Variants in FRAS1 observed in about 807,000 individuals in gnomAD.
FRAS1 encodes Fraser extracellular matrix complex subunit 1, also known as extracellular matrix organizing protein FRAS1.
In FRAS1, 290 loss-of-function variants were observed where a neutral mutation model predicts 435.2. That is an observed-to-expected ratio of 0.67 (90% CI 0.61 to 0.73). The LOEUF (loss-of-function observed/expected upper bound fraction) is 0.73. Among genes scored for constraint, FRAS1 ranks in the 30% least tolerant of loss-of-function variants. FRAS1 has a pLI of 0.00. For missense variants in FRAS1, 4,860 were observed against 5,001.5 expected (o/e 0.97, Z 0.85); for synonymous variants, 1,800 against 1,851.0 (o/e 0.97, Z 0.71).
chr4:78,488,885 G>A lies in FRAS1; in HGVS notation c.8763G>A (p.Met2921Ile). The A allele has an allele frequency of 1.2e-6, 2 of 1,612,262 alleles. No individual in the cohort carries two copies. Among genetic ancestry groups the A allele is most frequent in the Non-Finnish European group, 1.7e-6 (2 of 1,179,500 alleles). ...INDTFQDVPS[M>I]QFAKDLLLVK... is the part of the protein sequence containing the mutation. ...TGTCTGCCCACCTAGTGCCCAGCAT[G>A]CAGTTTGCCAAGGATTTGCTCCTAG... Residue 2921 changes from methionine to isoleucine, a missense_variant, in exon 59 of 74, where the codon ATG (methionine) becomes ATA (isoleucine). Transcript: ENST00000512123.
intron 2 of FRAS1, among the ~76,000 whole-genome samples, chr4:78,081,469 A>G (rs546379698): frequency 6.6e-6 from 1 of 152,228 alleles, no homozygotes; most frequent in South Asian, 2.1e-4. Context: ...GAAAGCAATG[A>G]TTGTAGGTAG....
At chr4:78,288,365 T>C (rs991483874) in intron 14 of FRAS1, among the ~76,000 whole-genome samples, 2 of 152,230 alleles carry the variant, frequency 1.3e-5, no homozygotes, top group African/African-American at 4.8e-5. Flanking sequence ...GTTTTACTCC[T>C]TCCTCTGTAC....
chr4:78,094,946 A>T (rs1337391336), intron 2 of FRAS1, among the ~76,000 whole-genome samples: 1 of 152,156 alleles, frequency 6.6e-6, no homozygotes, highest in Admixed American at 6.5e-5. Context: ...TATATATATT[A>T]TTTAATCTGT....
chr4:78,361,371 A>G (rs765214782), intron 20 of FRAS1, among the ~76,000 whole-genome samples: 14 of 152,218 alleles, frequency 9.2e-5, no homozygotes, highest in Non-Finnish European at 1.6e-4. Flanking sequence ...AATGAGGATT[A>G]ATTTGGGTCT....
At chr4:78,469,032 A>G (rs938301819) in intron 50 of FRAS1, among the ~76,000 whole-genome samples, 5 of 152,198 alleles carry the variant, frequency 3.3e-5, no homozygotes, top group Admixed American at 1.3e-4. Flanking sequence ...TCTGCACAGC[A>G]TCACCACCTG....
chr4:78,126,595 T>A (rs1425866812), intron 2 of FRAS1, among the ~76,000 whole-genome samples: 1 of 152,248 alleles, frequency 6.6e-6, no homozygotes, highest in South Asian at 2.1e-4. Context: ...AAATTCTTGA[T>A]ATTCTTTGTA....
chr4:78,526,491 C>A (rs1395787342), intron 69 of FRAS1, 50 bp from the exon 70 acceptor site: 1 of 1,248,248 alleles, frequency 8.0e-7, no homozygotes, highest in Non-Finnish European at 1.1e-6. Context: ...GGTAAGCCAG[C>A]AACCTATCAG....
intron 34 of FRAS1, among the ~76,000 whole-genome samples, chr4:78,423,057 T>C (rs1452159814): frequency 2.6e-5 from 4 of 152,202 alleles, no homozygotes; most frequent in Non-Finnish European, 4.4e-5. Context: ...CTTCCCTTGA[T>C]CCAGTCATCA....
chr4:78,286,123 A>G (rs1727584873), intron 13 of FRAS1: 1 of 500,388 alleles, frequency 2.0e-6, no homozygotes, highest in Non-Finnish European at 3.8e-6. Context: ...AAGTTGTTTA[A>G]TCTCCCTGAG....
At chr4:78,378,797 C>T (rs369034599) in intron 26 of FRAS1, among the ~76,000 whole-genome samples, 2 of 152,156 alleles carry the variant, frequency 1.3e-5, no homozygotes, top group East Asian at 3.9e-4. Flanking sequence ...ATATGATTTG[C>T]ATGTTTACTC....
intron 2 of FRAS1, among the ~76,000 whole-genome samples, chr4:78,203,192 T>C (rs1026497314): frequency 1.3e-5 from 2 of 152,178 alleles, no homozygotes; most frequent in African/African-American, 4.8e-5. Flanking sequence ...CTATTGGGAA[T>C]TTCATCACAC....
At chr4:78,114,874 G>A (rs1743036551) in intron 2 of FRAS1, among the ~76,000 whole-genome samples, 1 of 152,196 alleles carries the variant, frequency 6.6e-6, no homozygotes, top group Non-Finnish European at 1.5e-5. Context: ...ATGTTGAATA[G>A]GAGTGGTGAG....
intron 14 of FRAS1, among the ~76,000 whole-genome samples, chr4:78,298,028 CTCTATATA>C (rs1268925353): frequency 2.0e-4 from 20 of 102,004 alleles, no homozygotes; most frequent in Admixed American, 6.9e-4. Flanking sequence ...CTCTCTCTCT[CTCTATATA>C]TATATATATA....
chr4:78,384,480 T>C (rs1732140973), intron 28 of FRAS1, among the ~76,000 whole-genome samples: 1 of 152,186 alleles, frequency 6.6e-6, no homozygotes, highest in African/African-American at 2.4e-5. Context: ...ATGTCTGTGG[T>C]AATATAGCTA....
chr4:78,287,789 C>T (rs1056004550), intron 14 of FRAS1, among the ~76,000 whole-genome samples: 5 of 152,214 alleles, frequency 3.3e-5, no homozygotes, highest in South Asian at 2.1e-4. Flanking sequence ...TGGTCAGAAG[C>T]GGAGCTCATG....
In FRAS1 at chr4:78,511,448, C is replaced by G. The variant is rs78619145; in HGVS notation, c.9955C>G (p.Gln3319Glu). 2.1e-3 allele frequency: 3,442 copies of G among 1,613,932 alleles called. 61 individuals are homozygous for G. In the African/African-American group the frequency reaches 0.041, roughly 19 times the overall value. The change falls in exon 64 of 74, where the codon CAG becomes GAG. Residue 3319 changes from glutamine (Q) to glutamate (E), a missense_variant. Gln to Glu is a conservative substitution (Grantham distance 29). Coordinates refer to ENST00000512123, the MANE Select transcript of FRAS1 (RefSeq NM_025074.7). The stretch of plus-strand genomic sequence containing the variant: ...TGGGACATCCAGAGGCTTCCAGGCT[C>G]AGTCCTTCATCGCAACCTTGAAATA... ...VAGTSRGFQA[Q>E]SFIATLKYLD... is the part of the protein sequence containing the mutation.
At chr4:78,319,574 T>A in intron 18 of FRAS1, 1 of 305,188 alleles carries the variant, frequency 3.3e-6, no homozygotes, top group Non-Finnish European at 6.7e-6. Context: ...ACTCTAAAGC[T>A]ACGTGAAAAA....
intron 69 of FRAS1, among the ~76,000 whole-genome samples, chr4:78,523,101 A>AATT (rs1331449995): frequency 6.6e-6 from 1 of 152,114 alleles, no homozygotes; most frequent in Admixed American, 6.6e-5. Flanking sequence ...AAATAATAAT[A>AATT]ATAATTAAAA....
intron 71 of FRAS1, 91 bp from the exon 72 acceptor site, chr4:78,536,904 A>T: frequency 1.0e-6 from 1 of 981,146 alleles, no homozygotes. Context: ...TTTCACTCTT[A>T]AGGGAGCATG....
Sources: allele counts gnomAD v4.1 joint callset (sites outside exome capture counted in the v4.1 genomes callset), GRCh38; gene constraint gnomAD v4.1.1; transcripts MANE v1.5; gene names NCBI Gene and HGNC (gene_info 2026-07-23, HGNC 2026-07-21).